Variants in NELL1 observed in about 807,000 individuals in gnomAD.
NELL1 encodes the protein protein kinase C-binding protein NELL1.
NELL1 carries 76 observed loss-of-function variants against 107.4 expected under a neutral mutation model. The observed-to-expected ratio is 0.71, with a 90% CI of 0.59 to 0.86. NELL1 has a LOEUF of 0.86. Among genes scored for constraint, NELL1 ranks in the 40% least tolerant of loss-of-function variants. The pLI, the probability that NELL1 is intolerant of heterozygous loss-of-function variation, is 0.00. For missense variants in NELL1, 1,024 were observed against 1,005.5 expected, an observed-to-expected ratio of 1.02 and a Z score of -0.25; for synonymous variants, 353 against 341.2, an observed-to-expected ratio of 1.03 and a Z score of -0.38.
At chr11:21,394,137 C>T (rs1483813240) in intron 15 of NELL1, among the ~76,000 whole-genome samples, 1 of 151,550 alleles carries the variant, frequency 6.6e-6, no homozygotes, top group East Asian at 2.0e-4. Flanking sequence ...AAGTTAACTC[C>T]TTTACTTCTT....
intron 13 of NELL1, among the ~76,000 whole-genome samples, chr11:21,131,489 G>A (rs116068494): frequency 2.6e-3 from 393 of 152,290 alleles, no homozygotes; most frequent in African/African-American, 8.8e-3. Flanking sequence ...ATCATCTGCA[G>A]CAGGAGATTT....
intron 5 of NELL1, among the ~76,000 whole-genome samples, chr11:20,915,997 T>C (rs1043367462): frequency 1.3e-4 from 19 of 151,660 alleles, no homozygotes; most frequent in African/African-American, 4.1e-4. Flanking sequence ...GTGGTATCTG[T>C]AGGGTATCAC....
At chr11:21,358,716 C>A (rs1851002997) in intron 14 of NELL1, among the ~76,000 whole-genome samples, 1 of 134,234 alleles carries the variant, frequency 7.4e-6, no homozygotes, top group Non-Finnish European at 1.7e-5. Flanking sequence ...CGTGCCCGGC[C>A]TTTTTGTTGT....
intron 11 of NELL1, among the ~76,000 whole-genome samples, chr11:20,950,645 G>T (rs1406615266): frequency 6.6e-6 from 1 of 152,130 alleles, no homozygotes; most frequent in East Asian, 1.9e-4. Context: ...AGAAAGTAAT[G>T]AAAAGTCGAG....
At chr11:20,911,191 A>G (rs1335836984) in intron 5 of NELL1, among the ~76,000 whole-genome samples, 1 of 152,258 alleles carries the variant, frequency 6.6e-6, no homozygotes, top group South Asian at 2.1e-4. Context: ...CAGATAACAC[A>G]AAGAACATTC....
chr11:20,677,387 G>C (rs1854085423), intron 1 of NELL1, among the ~76,000 whole-genome samples: 1 of 152,160 alleles, frequency 6.6e-6, no homozygotes, highest in African/African-American at 2.4e-5. Context: ...TGTATCCGCA[G>C]TCACCACCTC....
At chr11:21,279,308 A>G (rs1177226807) in intron 14 of NELL1, among the ~76,000 whole-genome samples, 5 of 152,222 alleles carry the variant, frequency 3.3e-5, no homozygotes, top group Non-Finnish European at 7.3e-5. Context: ...TAGAAAAGAC[A>G]CTGTCAAGAA....
At chr11:21,573,495 C>A in intron 19 of NELL1, 86 bp downstream of exon 19, 1 of 1,147,536 alleles carries the variant, frequency 8.7e-7, no homozygotes, top group Non-Finnish European at 1.3e-6. Context: ...TTTCTGAATA[C>A]ACAGGTTCAA....
chr11:20,747,040 TCTTGTTCACAATTACATG>T (rs1475283782), intron 2 of NELL1, among the ~76,000 whole-genome samples: 1 of 152,194 alleles, frequency 6.6e-6, no homozygotes, highest in Non-Finnish European at 1.5e-5. Context: ...CACAGATATG[TCTTGTTCACAATTACATG>T]CCTGACTTCC....
In NELL1 at chr11:20,873,667, T is replaced by C. The variant is rs1849246177; in HGVS notation, c.507-11777T>C. On this transcript the variant is annotated intron_variant, in intron 4 of 19. Coordinates refer to ENST00000357134, the MANE Select transcript of NELL1 (RefSeq NM_006157.5). ...GTAACTTGTCCCAAGTCACAAAACA[T>C]AAAAGTAAAGGTAAGACACAAATGG... Among the ~76,000 whole-genome samples, 3 of 151,994 alleles carry C rather than the reference T, an allele frequency of 2.0e-5. No individual in the cohort carries two copies. The South Asian group carries it at 6.2e-4, about 32-fold the overall frequency.
intron 15 of NELL1, among the ~76,000 whole-genome samples, chr11:21,527,950 T>G (rs145031824): frequency 3.3e-5 from 5 of 152,270 alleles, no homozygotes; most frequent in African/African-American, 1.2e-4. Flanking sequence ...CCCAGTCTAT[T>G]GACTCAAATG....
At chr11:20,809,485 T>C (rs1312518832) in intron 3 of NELL1, among the ~76,000 whole-genome samples, 2 of 151,046 alleles carry the variant, frequency 1.3e-5, no homozygotes, top group African/African-American at 2.4e-5. Flanking sequence ...CGTATCTAGT[T>C]GTAGCTTTGT....
chr11:21,326,577 G>A (rs1162245411), intron 14 of NELL1, among the ~76,000 whole-genome samples: 4 of 151,596 alleles, frequency 2.6e-5, no homozygotes, highest in East Asian at 1.9e-4. Context: ...CATCCCTAGC[G>A]ATCTTTATTT....
At chr11:21,446,929 C>T (rs1398269634) in intron 15 of NELL1, among the ~76,000 whole-genome samples, 6 of 152,292 alleles carry the variant, frequency 3.9e-5, no homozygotes, top group Non-Finnish European at 1.5e-5. Flanking sequence ...AGTCAGAAAC[C>T]CCAGAATTCT....
At chr11:21,317,953 G>A (rs976455740) in intron 14 of NELL1, among the ~76,000 whole-genome samples, 21 of 152,050 alleles carry the variant, frequency 1.4e-4, no homozygotes, top group African/African-American at 5.1e-4. Flanking sequence ...AATCCTATGT[G>A]TTGCTTGAAT....
In NELL1 at chr11:21,550,779, C is replaced by A. The variant is rs1189596894; in HGVS notation, c.1787-9410C>A. Reference sequence around the variant, plus strand: ...TAGTTTGAAGTCAGGTAGCGTGATGCCTCCAGCTTTGTTCTTTTGGCTTAG... The same window carrying A: ...TAGTTTGAAGTCAGGTAGCGTGATGACTCCAGCTTTGTTCTTTTGGCTTAG... On this transcript the variant is annotated intron_variant, in intron 16 of 19. Transcript: ENST00000357134. Among the ~76,000 whole-genome samples the A allele has an allele frequency of 1.6e-4, 25 of 152,190 alleles. No homozygotes were observed. In the South Asian group the frequency reaches 5.2e-3, roughly 32 times the overall value.
chr11:21,096,749 C>A (rs559505037), intron 12 of NELL1, among the ~76,000 whole-genome samples: 3 of 151,990 alleles, frequency 2.0e-5, no homozygotes, highest in African/African-American at 4.8e-5. Context: ...TTTTTTGATA[C>A]GGGGTCTCAC....
At chr11:21,007,094 C>G (rs1852343273) in intron 12 of NELL1, among the ~76,000 whole-genome samples, 2 of 152,020 alleles carry the variant, frequency 1.3e-5, no homozygotes, top group African/African-American at 4.8e-5. Context: ...GGCCTGTTCT[C>G]TTGAGCAAGG....
intron 2 of NELL1, among the ~76,000 whole-genome samples, chr11:20,690,704 A>G (rs1854440421): frequency 2.0e-5 from 3 of 152,168 alleles, no homozygotes; most frequent in African/African-American, 7.2e-5. Context: ...CATAGTTTGA[A>G]GTCAGGTAGC....
Sources: allele counts gnomAD v4.1 joint callset (sites outside exome capture counted in the v4.1 genomes callset), GRCh38; gene constraint gnomAD v4.1.1; transcripts MANE v1.5; gene names NCBI Gene and HGNC (gene_info 2026-07-23, HGNC 2026-07-21).